Variants in AKAP11 observed in about 807,000 individuals in gnomAD.
AKAP11 encodes the protein A-kinase anchor protein 11.
A neutral mutation model predicts 146.1 loss-of-function variants in AKAP11; 36 were observed. The observed-to-expected ratio is 0.25, with a 90% confidence interval of 0.19 to 0.33. The LOEUF is 0.33. Ranked by LOEUF, AKAP11 falls within the 10% of genes least tolerant of loss-of-function variation. The probability of loss-of-function intolerance (pLI) is 1.00; values close to 1 mark genes in which losing one functional copy is unlikely to be tolerated. For synonymous variants in AKAP11, 780 were observed against 786.5 expected (o/e 0.99, Z 0.14); for missense variants, 2,201 against 2,197.0 (o/e 1.00, Z -0.04).
chr13:42,271,632 G>A (rs1958769300), upstream of AKAP11, among the ~76,000 whole-genome samples: 1 of 152,226 alleles, frequency 6.6e-6, no homozygotes, highest in South Asian at 2.1e-4. Flanking sequence ...TTAAGACTAA[G>A]GGGTCGAGGG....
In AKAP11 at chr13:42,303,372, G is replaced by T; in HGVS notation, c.4626G>T (p.Gln1542His). ...CGDNVVQAVEQYAKKVVDDTL... is the reference protein window; with the variant it reads ...CGDNVVQAVEHYAKKVVDDTL... ...ACAATGTTGTTCAAGCTGTAGAACA[G>T]TATGCCAAAAAAGTAGTGGATGACA... Residue 1542 changes from glutamine to histidine, a missense_variant, in exon 8 of 13, where the codon CAG becomes CAT. Gln to His is a conservative substitution (Grantham distance 24). Around this residue, in one of 3 missense-constraint regions of AKAP11, gnomAD observed 1,867 missense variants for 1,833.5 expected, o/e 1.02. Coordinates refer to ENST00000025301, the MANE Select transcript of AKAP11 (RefSeq NM_016248.4). 6.2e-7 allele frequency: 1 copy of T among 1,613,424 alleles called. No individual in the cohort carries two copies. Among genetic ancestry groups the T allele is most frequent in the Non-Finnish European group, 8.5e-7 (1 of 1,180,030 alleles).
intron 10 of AKAP11, 117 bp downstream of exon 10, chr13:42,313,247 A>C (rs1007460384): frequency 1.5e-6 from 1 of 678,514 alleles, no homozygotes; most frequent in African/African-American, 1.9e-5. Flanking sequence ...CTTTTCTCCT[A>C]TATTTTGACA....
rs559410997 is a variant in AKAP11, at chr13:42,319,476, A to C, written c.*248A>C. ...TGTAGTGTGTCAAGACCCTAAGAAC[A>C]TGTATTTGAAGGAAGGTCTAACCAG... On this transcript the variant is annotated 3_prime_UTR_variant, in exon 13 of 13. Coordinates refer to ENST00000025301, the MANE Select transcript of AKAP11 (RefSeq NM_016248.4). 4 of 381,762 alleles carry C rather than the reference A, an allele frequency of 1.0e-5. No homozygotes were observed. The highest frequency in any genetic ancestry group is 6.3e-5 in the African/African-American group (3 of 47,778). 23.6% of individuals were successfully genotyped at this position (381,762 alleles called of 1,614,324 possible). A position where few individuals can be genotyped will look rare whatever the true frequency, so the allele number is the denominator to read the frequency against.
At chr13:42,315,356 G>A (rs1053164552) in intron 11 of AKAP11, among the ~76,000 whole-genome samples, 1 of 152,054 alleles carries the variant, frequency 6.6e-6, no homozygotes, top group Non-Finnish European at 1.5e-5. Flanking sequence ...TATTTTTAGT[G>A]TTATTGATAT....
chr13:42,277,754 T>C (rs1958961014), intron 1 of AKAP11, among the ~76,000 whole-genome samples: 1 of 152,170 alleles, frequency 6.6e-6, no homozygotes, highest in South Asian at 2.1e-4. Flanking sequence ...TATAGTTGCT[T>C]ATTATGAGTA....
At chr13:42,292,321 G>A (rs1015326629) in intron 3 of AKAP11, 64 bp from the exon 4 acceptor site, 2 of 988,920 alleles carry the variant, frequency 2.0e-6, no homozygotes, top group Non-Finnish European at 3.0e-6. Flanking sequence ...ACATCTCCAG[G>A]ATCTCTTACC....
chr13:42,310,675 A>G (rs1269556228), intron 9 of AKAP11, among the ~76,000 whole-genome samples: 2 of 152,126 alleles, frequency 1.3e-5, no homozygotes, highest in South Asian at 2.1e-4. Flanking sequence ...CCTGGGCAAC[A>G]TGGTGAAACC....
intron 1 of AKAP11, among the ~76,000 whole-genome samples, chr13:42,285,281 C>G (rs1477431321): frequency 1.3e-5 from 2 of 152,164 alleles, no homozygotes; most frequent in East Asian, 3.8e-4. Context: ...TGGGCTCAAG[C>G]AGTCCTCCCA....
intron 1 of AKAP11, 84 bp downstream of exon 1, chr13:42,272,312 GC>G (rs1958790004): frequency 6.6e-6 from 1 of 152,192 alleles, no homozygotes; most frequent in Non-Finnish European, 1.5e-5. Flanking sequence ...GGATGGAGCG[GC>G]CCGGCTCCGG....
chr13:42,278,750 C>T (rs574488637), intron 1 of AKAP11, among the ~76,000 whole-genome samples: 1 of 152,116 alleles, frequency 6.6e-6, no homozygotes, highest in Non-Finnish European at 1.5e-5. Flanking sequence ...GTTCTTTATT[C>T]CTTCGTGTAA....
intron 11 of AKAP11, among the ~76,000 whole-genome samples, chr13:42,315,129 T>C (rs2138705081): frequency 6.6e-6 from 1 of 152,274 alleles, no homozygotes; most frequent in South Asian, 2.1e-4. Context: ...AAACAGAAAA[T>C]AGCTAAAAAG....
intron 5 of AKAP11, 106 bp from the exon 6 acceptor site, chr13:42,296,941 AT>A: frequency 3.4e-6 from 3 of 881,450 alleles, no homozygotes; most frequent in Non-Finnish European, 5.0e-6. Context: ...GAACCAGGAA[AT>A]TCACTAGCCA....
intron 9 of AKAP11, 87 bp downstream of exon 9, chr13:42,308,696 C>G (rs1219021536): frequency 9.2e-7 from 1 of 1,091,014 alleles, no homozygotes; most frequent in Non-Finnish European, 1.2e-6. Flanking sequence ...TTTAAAAATT[C>G]TAAATTTGAA....
intron 1 of AKAP11, among the ~76,000 whole-genome samples, chr13:42,282,670 G>T (rs1454334743): frequency 1.3e-5 from 2 of 151,902 alleles, no homozygotes; most frequent in Non-Finnish European, 2.9e-5. Flanking sequence ...ATTGTTTTTA[G>T]CAATGTCTGT....
rs140459937 is a variant in AKAP11 at position 42,310,579 on chromosome 13, G to A, written c.5273+1970G>A. 5.7e-4 allele frequency among the ~76,000 whole-genome samples: 87 copies of A among 152,280 alleles called. 2 individuals carry two copies. The East Asian group carries it at 7.1e-3, about 12-fold the overall frequency. On this transcript the variant is annotated intron_variant, in intron 9 of 12. Coordinates refer to ENST00000025301, the MANE Select transcript of AKAP11 (RefSeq NM_016248.4). ...AAGACTTCGGCGATTTGGGCTGGGC[G>A]CGGTGATTCACGCCTGTAATCCCAG...
chr13:42,279,577 T>C (rs1170288125), intron 1 of AKAP11, among the ~76,000 whole-genome samples: 1 of 152,232 alleles, frequency 6.6e-6, no homozygotes, highest in East Asian at 1.9e-4. Flanking sequence ...TCTCTCCTTA[T>C]GGTGATGTTT....
In AKAP11 at chr13:42,295,987, A is replaced by G. The variant is rs542073337; in HGVS notation, c.216+245A>G. 1.4e-4 allele frequency among the ~76,000 whole-genome samples: 21 copies of G among 152,336 alleles called. No individual in the cohort carries two copies. The South Asian group carries it at 1.4e-3, about 11-fold the overall frequency. On this transcript the variant is annotated intron_variant, in intron 5 of 12. Coordinates refer to ENST00000025301, the MANE Select transcript of AKAP11 (RefSeq NM_016248.4). ...GTTAAATTTAAAAGGTAAGATTTGT[A>G]AAAATTAACAATTAGCCAATGCAAA... is the stretch of plus-strand genomic sequence containing the variant.
intron 4 of AKAP11, among the ~76,000 whole-genome samples, chr13:42,292,920 AAGT>A (rs1421815496): frequency 6.6e-5 from 10 of 152,172 alleles, no homozygotes; most frequent in South Asian, 2.1e-4. Flanking sequence ...AAAAATGAAA[AAGT>A]AGTGATAAAT....
chr13:42,286,531 A>G, intron 3 of AKAP11, 132 bp downstream of exon 3: 1 of 544,592 alleles, frequency 1.8e-6, no homozygotes, highest in Non-Finnish European at 3.1e-6. Context: ...GAACTACTGC[A>G]AAGATTGGCA....
Sources: gnomAD v4.1 joint callset for allele counts (sites outside exome capture counted in the v4.1 genomes callset) on GRCh38, gnomAD v4.1.1 for gene constraint, gnomAD v4.1.1 regional missense constraint, MANE v1.5 for transcripts, NCBI Gene and HGNC (gene_info 2026-07-23, HGNC 2026-07-21) for gene names.